The following SORBS2 variants were observed in gnomAD, a reference collection of about 807,000 sequenced individuals.
SORBS2 encodes the protein sorbin and SH3 domain-containing protein 2.
Under a neutral mutation model 97.7 loss-of-function variants are expected in SORBS2, and 46 were observed. The observed-to-expected ratio is 0.47, with a 90% confidence interval of 0.37 to 0.60. The LOEUF is 0.60. SORBS2 is among the 20% of genes least tolerant of loss of function. SORBS2 has a pLI of 0.00. For synonymous variants in SORBS2, 476 were observed against 473.4 expected (o/e 1.01, Z -0.07); for missense variants, 1,316 against 1,282.3 (o/e 1.03, Z -0.40).
At chr4:185,930,957 C>T (rs1191617385) in intron 1 of SORBS2, among the ~76,000 whole-genome samples, 1 of 152,096 alleles carries the variant, frequency 6.6e-6, no homozygotes, top group African/African-American at 2.4e-5. Flanking sequence ...ATTGATATAC[C>T]TACCCTATTG....
At chr4:185,892,227 T>G (rs1378776774) in intron 1 of SORBS2, among the ~76,000 whole-genome samples, 1 of 152,098 alleles carries the variant, frequency 6.6e-6, no homozygotes, top group Non-Finnish European at 1.5e-5. Flanking sequence ...CTAACCTGAG[T>G]GTACAGAAGA....
intron 2 of SORBS2, 77 bp from the exon 3 acceptor site, chr4:185,734,231 G>A (rs573990027): frequency 6.6e-6 from 1 of 152,650 alleles, no homozygotes; most frequent in African/African-American, 2.4e-5. Flanking sequence ...ACAGCGGCGA[G>A]ATCAAACTGA....
chr4:185,658,713 ATGGAGTCTCGCTCTGTCACCCAGC>A (rs1333024416), upstream of SORBS2, among the ~76,000 whole-genome samples: 15 of 119,362 alleles, frequency 1.3e-4, no homozygotes, highest in Non-Finnish European at 2.2e-4. Context: ...TTTTTTTGAG[ATGGAGTCTCGCTCTGTCACCCAGC>A]TGGAGTGCAG....
At chr4:185,859,339 C>T (rs1287063389) in intron 1 of SORBS2, among the ~76,000 whole-genome samples, 1 of 152,096 alleles carries the variant, frequency 6.6e-6, no homozygotes, top group East Asian at 1.9e-4. Flanking sequence ...GCAGAGCATA[C>T]CTTATCCTCC....
At chr4:185,913,117 C>T (rs2099256234) in intron 1 of SORBS2, among the ~76,000 whole-genome samples, 1 of 152,192 alleles carries the variant, frequency 6.6e-6, no homozygotes, top group Non-Finnish European at 1.5e-5. Flanking sequence ...CTACCAGCAA[C>T]TTTAAAAATG....
intron 4 of SORBS2, chr4:185,665,957 G>A (rs769505373): frequency 6.9e-4 from 866 of 1,246,160 alleles, no homozygotes; most frequent in Middle Eastern, 2.8e-3. Flanking sequence ...AGGCTTTCTG[G>A]AGCTGGGAGC....
At chr4:185,703,129 T>C (rs62336144) in intron 2 of SORBS2, among the ~76,000 whole-genome samples, 60,688 of 152,084 alleles carry the variant, frequency 0.4, 13,471 homozygotes, top group South Asian at 0.52. Context: ...TCTAGAGAAT[T>C]GTTTATATAT....
In SORBS2 at chr4:185,923,472, A is replaced by ATTTTT. The variant is rs535695706; in HGVS notation, c.-338+32719_-338+32723dup. 8.1e-4 allele frequency among the ~76,000 whole-genome samples: 90 copies of ATTTTT among 110,480 alleles called. 4 individuals are homozygous for ATTTTT. Among genetic ancestry groups the ATTTTT allele is most frequent in the African/African-American group, 1.1e-3 (32 of 28,350 alleles). The allele number at this position is 110,480 out of a possible 152,430, so 72.5% of individuals were successfully genotyped here. On this transcript the variant is annotated intron_variant, in intron 1 of 20. Coordinates refer to the SORBS2 transcript ENST00000284776. ...TGCTTGGCTAAGTTTCTTTTTTTTA[A>ATTTTT]TTTTTTTTTTTTGTAGAGACAGGAC...
In SORBS2 at chr4:185,606,039, G is replaced by A. The variant is rs2096410557; in HGVS notation, c.2796+5741C>T. On this transcript the variant is annotated intron_variant, in intron 12 of 14. Coordinates refer to ENST00000418609, the Ensembl canonical transcript of SORBS2. The surrounding 1 kb of genome is among the most constrained non-coding windows in gnomAD (Gnocchi z 4.3). ...AACGACCTCTTTAGAAAATCGAAAG[G>A]GGACAGAAGTGCTGTTTTTCTTTTC... 1.0e-6 allele frequency: 1 copy of A among 958,606 alleles called. No individual in the cohort carries two copies. Among genetic ancestry groups the A allele is most frequent in the Non-Finnish European group, 1.2e-6 (1 of 805,706 alleles). The allele number at this position is 958,606 out of a possible 1,614,324, so 59.4% of individuals were successfully genotyped here.
At chr4:185,622,031 C>T (rs996128925) in intron 7 of SORBS2, among the ~76,000 whole-genome samples, 6 of 152,274 alleles carry the variant, frequency 3.9e-5, no homozygotes, top group Middle Eastern at 3.4e-3. Flanking sequence ...TTAAAATTTA[C>T]GTAGTGAACA....
intron 1 of SORBS2, among the ~76,000 whole-genome samples, chr4:185,837,835 T>C (rs1210763905): frequency 6.6e-6 from 1 of 150,426 alleles, no homozygotes; most frequent in African/African-American, 2.4e-5. Context: ...AGGCATAATT[T>C]CTTTAATAGA....
intron 4 of SORBS2, chr4:185,676,939 G>A (rs1582509661): frequency 1.4e-6 from 2 of 1,419,766 alleles, no homozygotes; most frequent in East Asian, 2.5e-5. Flanking sequence ...AACCAAAGGA[G>A]TTAGGGTCTC....
In SORBS2 at chr4:185,820,714, AGC is replaced by A. The variant is rs1192406666; in HGVS notation, c.-337-45350_-337-45349del. Among the ~76,000 whole-genome samples the A allele has an allele frequency of 3.3e-5, 5 of 152,162 alleles. No homozygotes were observed. The East Asian group carries it at 9.6e-4, about 29-fold the overall frequency. On this transcript the variant is annotated intron_variant, in intron 1 of 20. Transcript: ENST00000284776. ...GCACCGTGTTCTTTAAGAGTTCTGTAGCAGAGTCCTGGCAGTCCCGGGACTTC... is the reference window on the plus strand; with the variant it reads ...GCACCGTGTTCTTTAAGAGTTCTGTAAGAGTCCTGGCAGTCCCGGGACTTC...
At chr4:185,686,513 A>G (rs1432906762) in intron 2 of SORBS2, among the ~76,000 whole-genome samples, 1 of 152,262 alleles carries the variant, frequency 6.6e-6, no homozygotes, top group African/African-American at 2.4e-5. Context: ...AAACAACTGA[A>G]GATTCCTTCA....
chr4:185,712,661 C>T (rs773017531), intron 2 of SORBS2, among the ~76,000 whole-genome samples: 4 of 152,210 alleles, frequency 2.6e-5, no homozygotes, highest in African/African-American at 4.8e-5. Flanking sequence ...CAGGCACCCC[C>T]ACCTGGATGC....
intron 4 of SORBS2, 145 bp downstream of exon 13, chr4:185,646,523 T>C (rs2097211490): frequency 3.4e-6 from 2 of 588,018 alleles, no homozygotes; most frequent in Non-Finnish European, 6.1e-6. Context: ...TGAGATGAGA[T>C]GTACAAATCA....
chr4:185,822,451 A>AT (rs1360085841), intron 1 of SORBS2, among the ~76,000 whole-genome samples: 13 of 152,324 alleles, frequency 8.5e-5, no homozygotes, highest in African/African-American at 2.9e-4. Flanking sequence ...TGTTTTCAGT[A>AT]TTTTTTGTAT....
intron 1 of SORBS2, among the ~76,000 whole-genome samples, chr4:185,907,108 C>G (rs1237458766): frequency 1.3e-5 from 2 of 150,858 alleles, no homozygotes; most frequent in African/African-American, 2.5e-5. Context: ...TGCACTCCAG[C>G]CTGGGTGACA....
intron 1 of SORBS2, among the ~76,000 whole-genome samples, chr4:185,849,960 C>T (rs1278691863): frequency 6.6e-6 from 1 of 152,126 alleles, no homozygotes; most frequent in Non-Finnish European, 1.5e-5. Flanking sequence ...CTTGCAATGG[C>T]GTAAGGATTT....
Sources: gnomAD v4.1 joint callset for allele counts (sites outside exome capture counted in the v4.1 genomes callset) on GRCh38, gnomAD v4.1.1 for gene constraint, Gnocchi (gnomAD v3.1) non-coding constraint, MANE v1.5 for transcripts, NCBI Gene and HGNC (gene_info 2026-07-23, HGNC 2026-07-21) for gene names.